The following CCSER1 variants were observed in gnomAD, a reference collection of about 807,000 sequenced individuals.
CCSER1 encodes the protein serine-rich coiled-coil domain-containing protein 1.
Under a neutral mutation model 82.0 loss-of-function variants are expected in CCSER1, and 41 were observed. That is an observed-to-expected ratio of 0.50 (90% confidence interval 0.39 to 0.65). The LOEUF (loss-of-function observed/expected upper bound fraction) is 0.65, where lower values mean the gene tolerates loss of function less well. Among genes scored for constraint, CCSER1 ranks in the 30% least tolerant of loss-of-function variants. The pLI is 0.00. For missense variants in CCSER1, 1,119 were observed against 1,064.2 expected, an observed-to-expected ratio of 1.05 and a Z score of -0.72; for synonymous variants, 414 against 383.9, an observed-to-expected ratio of 1.08 and a Z score of -0.92.
intron 6 of CCSER1, chr4:90,693,492 T>C (rs968109951): frequency 2.3e-4 from 35 of 151,862 alleles, no homozygotes; most frequent in African/African-American, 7.5e-4. Flanking sequence ...AGGGTGAGAC[T>C]AGTCGAGTGA....
At chr4:90,851,731 G>C (rs528867254) in intron 8 of CCSER1, among the ~76,000 whole-genome samples, 1 of 152,180 alleles carries the variant, frequency 6.6e-6, no homozygotes, top group Non-Finnish European at 1.5e-5. Flanking sequence ...TTTCTAGATA[G>C]CTGGATTGAT....
intron 10 of CCSER1, among the ~76,000 whole-genome samples, chr4:91,221,800 C>A (rs752868569): frequency 4.6e-5 from 7 of 152,042 alleles, no homozygotes; most frequent in Non-Finnish European, 8.8e-5. Flanking sequence ...ATGCTGGAAA[C>A]AGTCCATTAA....
rs1322947668 is a variant in CCSER1 at position 90,330,658 on chromosome 4, G to A, written c.1509+17611G>A. Reference sequence around the variant, plus strand: ...AAAAAGAGAAAGGAACTATTAATGCGTGCTTTTCTCTAATAGCATTTATCT... The same window carrying A: ...AAAAAGAGAAAGGAACTATTAATGCATGCTTTTCTCTAATAGCATTTATCT... On this transcript the variant is annotated intron_variant, in intron 3 of 10. Transcript: ENST00000509176. Among the ~76,000 whole-genome samples, 8 of 152,226 alleles carry A rather than the reference G, an allele frequency of 5.3e-5. No individual in the cohort carries two copies. In the South Asian group the frequency reaches 1.0e-3, roughly 20 times the overall value.
chr4:90,406,039 T>C (rs934236223), intron 4 of CCSER1, among the ~76,000 whole-genome samples: 16 of 152,272 alleles, frequency 1.1e-4, no homozygotes, highest in African/African-American at 3.9e-4. Flanking sequence ...GTAAATAGCC[T>C]AAATGCTCCA....
intron 7 of CCSER1, among the ~76,000 whole-genome samples, chr4:90,727,473 A>T (rs559354420): frequency 6.6e-6 from 1 of 152,302 alleles, no homozygotes; most frequent in South Asian, 2.1e-4. Flanking sequence ...TGCTCATTCT[A>T]TCCTTTTCTA....
chr4:91,011,348 G>T lies in CCSER1; in HGVS notation c.2173-74602G>T, dbSNP rs1160331730. ...TACTTAGCTTAGGGGACCTCTCTTG[G>T]TGCTGGATCTGACATGGCATGCAAG... On this transcript the variant is annotated intron_variant, in intron 9 of 10. Transcript: ENST00000509176. Among the ~76,000 whole-genome samples the T allele has an allele frequency of 1.5e-5, 2 of 133,942 alleles. 1 individual carries two copies. The highest frequency in any genetic ancestry group is 1.5e-4 in the Admixed American group (2 of 13,464). 87.9% of individuals were successfully genotyped at this position (133,942 alleles called of 152,430 possible). A position where few individuals can be genotyped will look rare whatever the true frequency, so the allele number is the denominator to read the frequency against.
chr4:90,410,493 A>T (rs1253356682), intron 4 of CCSER1, among the ~76,000 whole-genome samples: 1 of 152,192 alleles, frequency 6.6e-6, no homozygotes, highest in Non-Finnish European at 1.5e-5. Context: ...AAAACCGCTC[A>T]AGTACATGGA....
At chr4:90,745,838 C>T (rs1747350833) in intron 7 of CCSER1, among the ~76,000 whole-genome samples, 1 of 151,390 alleles carries the variant, frequency 6.6e-6, no homozygotes, top group Non-Finnish European at 1.5e-5. Flanking sequence ...TACAGGCGCC[C>T]GCCACCACAC....
chr4:90,221,326 A>G (rs1742109991), intron 1 of CCSER1, among the ~76,000 whole-genome samples: 2 of 152,144 alleles, frequency 1.3e-5, no homozygotes, highest in Non-Finnish European at 2.9e-5. Context: ...ATATTTTTGA[A>G]AATCATTCAG....
chr4:90,800,270 CATT>C (rs946575241), intron 7 of CCSER1, among the ~76,000 whole-genome samples: 2 of 151,812 alleles, frequency 1.3e-5, no homozygotes, highest in Non-Finnish European at 2.9e-5. Context: ...TTCTTCTTAT[CATT>C]ATTATTTTTT....
Position 90,719,044 on chromosome 4 carries a change from C to T in CCSER1, c.1933-4870C>T, listed in dbSNP as rs539025070. Among the ~76,000 whole-genome samples the T allele has an allele frequency of 3.3e-5, 5 of 152,140 alleles. No individual in the cohort carries two copies. In the South Asian group the frequency reaches 1.0e-3, roughly 32 times the overall value. The stretch of plus-strand genomic sequence containing the variant: ...ACTTTATTACAGGGCTCCTCAACTT[C>T]CTGGCCACGGACCACTGGTCCGTGG... On this transcript the variant is annotated intron_variant, in intron 6 of 10. Coordinates refer to ENST00000509176, the MANE Select transcript of CCSER1 (RefSeq NM_001145065.2).
intron 10 of CCSER1, among the ~76,000 whole-genome samples, chr4:91,317,617 T>C (rs533918812): frequency 8.6e-5 from 13 of 151,752 alleles, no homozygotes; most frequent in African/African-American, 1.2e-4. Flanking sequence ...TGTGTGTGTG[T>C]GCGCATGTGG....
chr4:90,270,773 A>G (rs951017911), intron 1 of CCSER1, among the ~76,000 whole-genome samples: 2 of 152,178 alleles, frequency 1.3e-5, no homozygotes, highest in South Asian at 4.1e-4. Context: ...ATTTGAACTG[A>G]TAAACAACTT....
At chr4:91,450,490 T>C (rs1755810118) in intron 10 of CCSER1, among the ~76,000 whole-genome samples, 1 of 151,932 alleles carries the variant, frequency 6.6e-6, no homozygotes, top group South Asian at 2.1e-4. Flanking sequence ...GTTTCACACA[T>C]CGGACTATAG....
intron 1 of CCSER1, among the ~76,000 whole-genome samples, chr4:90,158,960 T>A (rs998778396): frequency 1.3e-5 from 2 of 152,056 alleles, no homozygotes; most frequent in Non-Finnish European, 2.9e-5. Context: ...AAATCACCCG[T>A]CTTCTGCTTC....
intron 5 of CCSER1, among the ~76,000 whole-genome samples, chr4:90,530,273 A>G (rs1243307607): frequency 6.6e-6 from 1 of 152,160 alleles, no homozygotes; most frequent in Non-Finnish European, 1.5e-5. Context: ...TACTTAAAAG[A>G]TTAACACTCT....
intron 10 of CCSER1, among the ~76,000 whole-genome samples, chr4:91,252,967 G>A (rs1740369797): frequency 6.6e-6 from 1 of 151,978 alleles, no homozygotes; most frequent in Admixed American, 6.6e-5. Flanking sequence ...TATGTTAAGT[G>A]TAAATGAATT....
intron 8 of CCSER1, among the ~76,000 whole-genome samples, chr4:90,859,566 T>C (rs1196089712): frequency 6.6e-6 from 1 of 151,738 alleles, no homozygotes; most frequent in Admixed American, 6.6e-5. Context: ...AATAATTGAA[T>C]CCTAAAATCT....
intron 9 of CCSER1, among the ~76,000 whole-genome samples, chr4:91,021,433 C>A (rs920086666): frequency 6.6e-6 from 1 of 152,060 alleles, no homozygotes; most frequent in Non-Finnish European, 1.5e-5. Flanking sequence ...TCAAACTGAT[C>A]TTTAGATATC....
Sources: gnomAD v4.1 joint callset for allele counts (sites outside exome capture counted in the v4.1 genomes callset) on GRCh38, gnomAD v4.1.1 for gene constraint, MANE v1.5 for transcripts, NCBI Gene and HGNC (gene_info 2026-07-23, HGNC 2026-07-21) for gene names.